The following GSE1 variants were observed in gnomAD, a reference collection of about 807,000 sequenced individuals.
GSE1 encodes genetic suppressor element 1.
A neutral mutation model predicts 112.6 loss-of-function variants in GSE1; 32 were observed. The ratio of observed to expected loss-of-function variants is 0.28; its 90% CI spans 0.21 to 0.38. GSE1 has a LOEUF of 0.38. Among genes scored for constraint, GSE1 ranks in the 10% least tolerant of loss-of-function variants. The probability of loss-of-function intolerance (pLI) is 1.00; values close to 1 mark genes in which losing one functional copy is unlikely to be tolerated. For missense variants in GSE1, 2,348 were observed against 1,699.2 expected (o/e 1.38, Z -6.71); for synonymous variants, 1,115 against 735.6 (o/e 1.52, Z -8.35).
intron 2 of GSE1, among the ~76,000 whole-genome samples, chr16:85,444,629 T>A (rs1014877999): frequency 6.6e-6 from 1 of 152,090 alleles, no homozygotes; most frequent in Admixed American, 6.5e-5. Flanking sequence ...ACCTCTGCCG[T>A]CTGCTTGGGG....
chr16:85,321,046 G>A (rs1357998575), intron 1 of GSE1, among the ~76,000 whole-genome samples: 1 of 152,108 alleles, frequency 6.6e-6, no homozygotes, highest in East Asian at 1.9e-4. Flanking sequence ...TCTTATTTAG[G>A]TCGCCTTAGT....
intron 2 of GSE1, among the ~76,000 whole-genome samples, chr16:85,420,035 A>AT (rs1485726872): frequency 3.9e-5 from 6 of 152,170 alleles, no homozygotes; most frequent in Non-Finnish European, 1.5e-5. Flanking sequence ...TGAACAGAAC[A>AT]AGTCCCTGCC....
chr16:85,268,276 C>T (rs532165070), intron 1 of GSE1, among the ~76,000 whole-genome samples: 1 of 152,090 alleles, frequency 6.6e-6, no homozygotes, highest in African/African-American at 2.4e-5. Flanking sequence ...AGCATAATTT[C>T]ACACACAGCA....
intron 1 of GSE1, among the ~76,000 whole-genome samples, chr16:85,587,873 G>T (rs2046781701): frequency 1.3e-5 from 2 of 152,204 alleles, no homozygotes; most frequent in Admixed American, 6.5e-5. Context: ...TGTCTGGACG[G>T]TGAAAGAGTT....
intron 2 of GSE1, among the ~76,000 whole-genome samples, chr16:85,404,067 C>A (rs923274075): frequency 1.3e-5 from 2 of 152,130 alleles, no homozygotes; most frequent in Non-Finnish European, 2.9e-5. Context: ...GCCCACCTCT[C>A]AGAAACCAGC....
intron 1 of GSE1, among the ~76,000 whole-genome samples, chr16:85,618,508 A>G (rs1403504113): frequency 6.6e-5 from 10 of 152,218 alleles, no homozygotes. Flanking sequence ...GACCTCAGGC[A>G]CTTGTGTTCT....
At chr16:85,325,080 G>A (rs540344458) in intron 1 of GSE1, among the ~76,000 whole-genome samples, 1 of 152,174 alleles carries the variant, frequency 6.6e-6, no homozygotes, top group South Asian at 2.1e-4. Flanking sequence ...TGAGCCCAGG[G>A]ACCTCAGCCT....
At chr16:85,206,410 C>T (rs899425026) in intron 1 of GSE1, among the ~76,000 whole-genome samples, 2 of 152,132 alleles carry the variant, frequency 1.3e-5, no homozygotes, top group African/African-American at 4.8e-5. Context: ...TGGAATGAAG[C>T]CAGGTTTTGA....
intron 1 of GSE1, among the ~76,000 whole-genome samples, chr16:85,337,986 G>C (rs553552289): frequency 6.6e-6 from 1 of 152,300 alleles, no homozygotes; most frequent in South Asian, 2.1e-4. Context: ...GAGCTTTGAG[G>C]GTGCTGGGAA....
In GSE1 at chr16:85,656,057, A is replaced by G. The variant is rs140450736; in HGVS notation, c.989+140A>G. On this transcript the variant is annotated intron_variant, in intron 6 of 15. Coordinates refer to ENST00000253458, the MANE Select transcript of GSE1 (RefSeq NM_014615.5). ...GTTTGTCCACCTGCCAAATGGGACA[A>G]TGATCGTTCAGGCTCTGCTCTGAAA... 2,100 of 713,726 alleles carry G rather than the reference A, an allele frequency of 2.9e-3. 36 individuals are homozygous for G. In the African/African-American group the frequency reaches 0.033, roughly 11 times the overall value. The allele number at this position is 713,726 out of a possible 1,614,324, so 44.2% of individuals were successfully genotyped here. A position where few individuals can be genotyped will look rare whatever the true frequency, so the allele number is the denominator to read the frequency against.
chr16:85,216,112 C>G (rs1389025084), intron 1 of GSE1, among the ~76,000 whole-genome samples: 14 of 152,226 alleles, frequency 9.2e-5, no homozygotes, highest in Admixed American at 9.2e-4. Context: ...AGAGGGTGGC[C>G]CAGCCCAGGG....
At chr16:85,365,635 G>A (rs143202657) in intron 2 of GSE1, among the ~76,000 whole-genome samples, 1,741 of 152,348 alleles carry the variant, frequency 0.011, 12 homozygotes, top group Non-Finnish European at 0.02. Flanking sequence ...TGCATTGCCT[G>A]GAAGGTGAAG....
intron 5 of GSE1, 46 bp downstream of exon 5, chr16:85,655,037 C>A (rs1369004664): frequency 1.6e-6 from 2 of 1,242,334 alleles, no homozygotes; most frequent in Non-Finnish European, 2.3e-6. Flanking sequence ...CTGGCCTGTT[C>A]CTGGCAAGAT....
In GSE1 at chr16:85,638,883, G is replaced by A. The variant is rs575198372; in HGVS notation, c.226+4751G>A. ...ATGGCTTCCCCCCGTCAATGGCTCT[G>A]GGCCGGGAGCCTGCGGTGGCTTCCT... On this transcript the variant is annotated intron_variant, in intron 2 of 15. Transcript: ENST00000253458. Among the ~76,000 whole-genome samples, 39 of 152,194 alleles carry A rather than the reference G, an allele frequency of 2.6e-4. No homozygotes were observed. The East Asian group carries it at 5.2e-3, about 20-fold the overall frequency.
intron 2 of GSE1, among the ~76,000 whole-genome samples, chr16:85,545,061 A>G (rs1345610836): frequency 6.6e-6 from 1 of 152,222 alleles, no homozygotes; most frequent in Non-Finnish European, 1.5e-5. Context: ...GGCTCTGCAC[A>G]ATGCAGAATG....
intron 1 of GSE1, among the ~76,000 whole-genome samples, chr16:85,630,686 G>A (rs956786107): frequency 1.4e-4 from 21 of 152,174 alleles, no homozygotes; most frequent in African/African-American, 3.1e-4. Context: ...GACCATTCAC[G>A]CCTTCTGATC....
At chr16:85,456,151 G>T (rs1264303801) in intron 2 of GSE1, among the ~76,000 whole-genome samples, 1 of 152,202 alleles carries the variant, frequency 6.6e-6, no homozygotes, top group African/African-American at 2.4e-5. Flanking sequence ...TCAGAGGAGG[G>T]TCACCGAGGG....
chr16:85,637,790 G>A (rs1009852154), intron 2 of GSE1, among the ~76,000 whole-genome samples: 1 of 152,234 alleles, frequency 6.6e-6, no homozygotes, highest in Non-Finnish European at 1.5e-5. Context: ...ACCTGCCGGG[G>A]AGTGGGGTCC....
intron 1 of GSE1, among the ~76,000 whole-genome samples, chr16:85,622,748 G>A (rs564910782): frequency 8.3e-4 from 126 of 152,348 alleles, no homozygotes; most frequent in Non-Finnish European, 1.2e-3. Flanking sequence ...ACACACGCCA[G>A]AATTGTGGCC....
Sources: gnomAD v4.1 joint callset for allele counts (sites outside exome capture counted in the v4.1 genomes callset) on GRCh38, gnomAD v4.1.1 for gene constraint, MANE v1.5 for transcripts, NCBI Gene and HGNC (gene_info 2026-07-23, HGNC 2026-07-21) for gene names.